Variants in LCOR observed in about 807,000 individuals in gnomAD.
LCOR encodes the protein ligand-dependent corepressor.
In LCOR, 14 loss-of-function variants were observed where a neutral mutation model predicts 64.4. The ratio of observed to expected loss-of-function variants is 0.22; its 90% CI spans 0.14 to 0.34. The LOEUF is 0.34. LCOR is among the 10% of genes least tolerant of loss of function. The pLI is 1.00. For missense variants in LCOR, 1,686 were observed against 1,765.3 expected (o/e 0.96, Z 0.80); for synonymous variants, 643 against 642.5 (o/e 1.00, Z -0.01).
intron 2 of LCOR, among the ~76,000 whole-genome samples, chr10:96,887,681 C>CT (rs369996836): frequency 2.3e-3 from 332 of 143,932 alleles, no homozygotes; most frequent in Middle Eastern, 3.5e-3. Context: ...AAACTAGCTA[C>CT]TTTTTTTTTT....
intron 2 of LCOR, among the ~76,000 whole-genome samples, chr10:96,882,342 A>G (rs760129774): frequency 1.3e-5 from 2 of 152,262 alleles, no homozygotes; most frequent in Non-Finnish European, 2.9e-5. Context: ...GTTGGAAAAT[A>G]TTAAAATAGC....
chr10:96,920,424 ATATATATGTG>A (rs140798161), intron 4 of LCOR, among the ~76,000 whole-genome samples: 302 of 8,926 alleles, frequency 0.034, 13 homozygotes, highest in East Asian at 0.31. Flanking sequence ...ATATATATTC[ATATATATGTG>A]TATATATGTG....
chr10:96,921,754 G>C (rs577773413), intron 4 of LCOR, among the ~76,000 whole-genome samples: 2 of 152,168 alleles, frequency 1.3e-5, no homozygotes, highest in African/African-American at 4.8e-5. Context: ...GTAAGCCACG[G>C]CCCCCAGCCC....
chr10:96,951,695 G>A lies in LCOR; in HGVS notation c.239-408G>A, dbSNP rs372922803. 3.9e-5 allele frequency among the ~76,000 whole-genome samples: 6 copies of A among 152,076 alleles called. No homozygotes were observed. In the East Asian group the frequency reaches 5.8e-4, roughly 15 times the overall value. ...GTTTCAGGTAGATTTAGCTCTTGAG[G>A]GATTTGGTTCTATAGTTTGTATGCC... On this transcript the variant is annotated intron_variant, in intron 6 of 7. Transcript: ENST00000421806.
intron 2 of LCOR, among the ~76,000 whole-genome samples, chr10:96,897,946 G>A (rs1313593535): frequency 7.3e-6 from 1 of 137,268 alleles, no homozygotes; most frequent in Non-Finnish European, 1.5e-5. Context: ...TCTTTAGCTT[G>A]CCTGACACAT....
At chr10:96,837,159 T>G (rs1845457654) in intron 2 of LCOR, among the ~76,000 whole-genome samples, 1 of 152,082 alleles carries the variant, frequency 6.6e-6, no homozygotes, top group Admixed American at 6.6e-5. Context: ...CTCGGCTAAT[T>G]TTTTGTCTTT....
chr10:96,875,428 C>G (rs1489794474), intron 2 of LCOR, among the ~76,000 whole-genome samples: 2 of 151,766 alleles, frequency 1.3e-5, no homozygotes, highest in African/African-American at 2.4e-5. Context: ...TAGTTTTTTT[C>G]TCCCTTACTC....
intron 4 of LCOR, among the ~76,000 whole-genome samples, chr10:96,914,643 C>CA (rs1263107694): frequency 1.3e-5 from 2 of 152,246 alleles, no homozygotes; most frequent in Non-Finnish European, 2.9e-5. Flanking sequence ...GAAGAACTTT[C>CA]AAACTCCCTT....
intron 2 of LCOR, among the ~76,000 whole-genome samples, chr10:96,904,143 C>CTGT (rs2134449542): frequency 6.6e-6 from 1 of 152,240 alleles, no homozygotes; most frequent in South Asian, 2.1e-4. Flanking sequence ...TCAACACTGC[C>CTGT]TGTTGAACAG....
At chr10:96,846,693 G>A (rs564371133) in intron 2 of LCOR, among the ~76,000 whole-genome samples, 6 of 152,276 alleles carry the variant, frequency 3.9e-5, no homozygotes, top group South Asian at 2.1e-4. Context: ...TCATTGTATA[G>A]TTTTTATTAA....
At chr10:96,892,191 G>A (rs998621699) in intron 2 of LCOR, among the ~76,000 whole-genome samples, 2 of 152,122 alleles carry the variant, frequency 1.3e-5, no homozygotes, top group Non-Finnish European at 2.9e-5. Context: ...AAAGTAGGGT[G>A]TTGAAGTCTC....
Position 96,892,929 on chromosome 10 carries a change from T to C in LCOR, c.-329-14336T>C, listed in dbSNP as rs1846471000. On this transcript the variant is annotated intron_variant, in intron 2 of 7. Transcript: ENST00000421806. Reference sequence around the variant, plus strand: ...GAGGCTTTACTCCATTTACATGTAATATAATTGCTGATAAGGAGGAACATT... The same window carrying C: ...GAGGCTTTACTCCATTTACATGTAACATAATTGCTGATAAGGAGGAACATT... 2.0e-5 allele frequency among the ~76,000 whole-genome samples: 3 copies of C among 152,336 alleles called. No individual in the cohort carries two copies. In the South Asian group the frequency reaches 6.2e-4, roughly 32 times the overall value.
chr10:96,833,356 C>T (rs1845381442), intron 1 of LCOR, 50 bp from the exon 2 acceptor site: 1 of 977,824 alleles, frequency 1.0e-6, no homozygotes, highest in Non-Finnish European at 1.2e-6. Context: ...GGCCGGGCGG[C>T]CGAGCTGCGC....
In LCOR at chr10:96,856,677, A is replaced by G. The variant is rs749863485; in HGVS notation, c.-330+23198A>G. The stretch of plus-strand genomic sequence containing the variant: ...ATTTTTGTGGAGATAGGGTTTTCCT[A>G]TGTTGCCCTGGCTGGTCTCTAACTC... On this transcript the variant is annotated intron_variant, in intron 2 of 7. Transcript: ENST00000421806. Among the ~76,000 whole-genome samples, 9 of 150,816 alleles carry G rather than the reference A, an allele frequency of 6.0e-5. No individual in the cohort carries two copies. The East Asian group carries it at 1.0e-3, about 17-fold the overall frequency.
chr10:96,939,331 T>C (rs1440103892), intron 4 of LCOR, among the ~76,000 whole-genome samples: 1 of 152,192 alleles, frequency 6.6e-6, no homozygotes, highest in African/African-American at 2.4e-5. Context: ...ACCCCTTCCT[T>C]ACGCCATACA....
At chr10:96,916,081 G>T (rs1052241771) in intron 4 of LCOR, among the ~76,000 whole-genome samples, 4 of 151,960 alleles carry the variant, frequency 2.6e-5, no homozygotes, top group Non-Finnish European at 4.4e-5. Flanking sequence ...GCCCAGGCTG[G>T]AGTGCAGTGG....
intron 4 of LCOR, among the ~76,000 whole-genome samples, chr10:96,920,786 ACACACGCG>A (rs750011343): frequency 0.057 from 6,747 of 117,844 alleles, 463 homozygotes; most frequent in African/African-American, 0.14. Context: ...ACACACACAC[ACACACGCG>A]CGGTGGGGGG....
chr10:96,950,063 C>T (rs1467044092), intron 6 of LCOR, among the ~76,000 whole-genome samples: 1 of 152,146 alleles, frequency 6.6e-6, no homozygotes, highest in Admixed American at 6.5e-5. Flanking sequence ...AGCATTTCAA[C>T]TCAGCCACTG....
At chr10:96,851,636 C>G (rs1321699346) in intron 2 of LCOR, among the ~76,000 whole-genome samples, 1 of 152,204 alleles carries the variant, frequency 6.6e-6, no homozygotes, top group Admixed American at 6.5e-5. Context: ...GCAGATGACT[C>G]TGGAGCAAAC....
Sources: allele counts gnomAD v4.1 joint callset (sites outside exome capture counted in the v4.1 genomes callset), GRCh38; gene constraint gnomAD v4.1.1; transcripts MANE v1.5; gene names NCBI Gene and HGNC (gene_info 2026-07-23, HGNC 2026-07-21).